PPP2R3A: variants seen among roughly 807,000 people sequenced by gnomAD.
The protein encoded by PPP2R3A is serine/threonine-protein phosphatase 2A regulatory subunit B'' subunit alpha.
PPP2R3A carries 80 observed loss-of-function variants against 106.9 expected under a neutral mutation model. The ratio of observed to expected loss-of-function variants is 0.75; its 90% CI spans 0.62 to 0.90. The LOEUF (loss-of-function observed/expected upper bound fraction) is 0.90, where lower values mean the gene tolerates loss of function less well. Among genes scored for constraint, PPP2R3A ranks in the 40% least tolerant of loss-of-function variants. The probability of loss-of-function intolerance (pLI) is 0.00; values close to 1 mark genes in which losing one functional copy is unlikely to be tolerated. For synonymous variants in PPP2R3A, 483 were observed against 468.3 expected (o/e 1.03, Z -0.41); for missense variants, 1,386 against 1,350.4 (o/e 1.03, Z -0.41).
chr3:136,122,454 A>G (rs1471273482), intron 13 of PPP2R3A, among the ~76,000 whole-genome samples: 3 of 152,206 alleles, frequency 2.0e-5, no homozygotes, highest in Non-Finnish European at 4.4e-5. Flanking sequence ...AAACCCACAT[A>G]TATGAAAGTT....
intron 13 of PPP2R3A, among the ~76,000 whole-genome samples, chr3:136,123,508 T>G (rs1938075168): frequency 6.6e-6 from 1 of 152,012 alleles, no homozygotes; most frequent in Admixed American, 6.6e-5. Context: ...CCCAAAAAAG[T>G]GACAAAATTC....
At chr3:136,042,169 A>C (rs964279042) in intron 4 of PPP2R3A, among the ~76,000 whole-genome samples, 1 of 152,244 alleles carries the variant, frequency 6.6e-6, no homozygotes, top group East Asian at 1.9e-4. Context: ...TAGGTGATTA[A>C]TAAATGTATT....
intron 13 of PPP2R3A, among the ~76,000 whole-genome samples, chr3:136,139,138 CA>C (rs2108031811): frequency 6.6e-6 from 1 of 152,254 alleles, no homozygotes; most frequent in East Asian, 1.9e-4. Context: ...AAACTGGAAT[CA>C]AAACATAACT....
chr3:135,990,558 AAAAT>A (rs1261892570), intron 1 of PPP2R3A, among the ~76,000 whole-genome samples: 31 of 152,332 alleles, frequency 2.0e-4, no homozygotes, highest in African/African-American at 7.0e-4. Context: ...AGTCCTTTTA[AAAAT>A]AAATCCGTAC....
intron 3 of PPP2R3A, among the ~76,000 whole-genome samples, chr3:136,034,618 A>G (rs1329342083): frequency 6.6e-6 from 1 of 152,212 alleles, no homozygotes; most frequent in Non-Finnish European, 1.5e-5. Context: ...TCTTAAATGT[A>G]TTGAGGCTCG....
At chr3:136,122,387 G>A (rs1191109351) in intron 13 of PPP2R3A, among the ~76,000 whole-genome samples, 2 of 152,078 alleles carry the variant, frequency 1.3e-5, no homozygotes, top group East Asian at 3.9e-4. Flanking sequence ...TTGATTCCAG[G>A]ACTGCCTGTG....
At chr3:136,011,974 TACACAC>T (rs961223158) in intron 2 of PPP2R3A, among the ~76,000 whole-genome samples, 1 of 136,522 alleles carries the variant, frequency 7.3e-6, no homozygotes, top group African/African-American at 3.1e-5. Context: ...TGAGAAATCA[TACACAC>T]ACACACACAC....
chr3:136,135,165 G>C (rs149008085), intron 13 of PPP2R3A, among the ~76,000 whole-genome samples: 30 of 152,102 alleles, frequency 2.0e-4, no homozygotes, highest in Admixed American at 1.9e-3. Flanking sequence ...AAGAGGAGAC[G>C]CAGAGACCAG....
At chr3:136,033,049 C>G (rs560182124) in intron 3 of PPP2R3A, among the ~76,000 whole-genome samples, 80 of 152,228 alleles carry the variant, frequency 5.3e-4, no homozygotes, top group South Asian at 5.0e-3. Context: ...AGGTATGTCC[C>G]TTGTATGCCA....
At chr3:136,081,325 A>T (rs1413339303) in intron 7 of PPP2R3A, among the ~76,000 whole-genome samples, 1 of 152,072 alleles carries the variant, frequency 6.6e-6, no homozygotes, top group Non-Finnish European at 1.5e-5. Flanking sequence ...CCATATTAAT[A>T]TTGATACCTG....
intron 8 of PPP2R3A, among the ~76,000 whole-genome samples, chr3:136,085,276 A>G (rs1405531546): frequency 2.0e-5 from 3 of 152,078 alleles, no homozygotes; most frequent in Admixed American, 6.6e-5. Flanking sequence ...TCATGGTTTT[A>G]GAAAGGGGAG....
In PPP2R3A at chr3:136,040,975, G is replaced by A. The variant is rs540353404; in HGVS notation, c.2366+13G>A. 1,063 of 1,607,470 alleles carry A rather than the reference G, an allele frequency of 6.6e-4. 15 individuals carry two copies. The South Asian group carries it at 0.011, about 16-fold the overall frequency. ...CCATGTGGAGAAAGTAAGTATGTGA[G>A]CAGTCTCTCTGGAGCTAGGCAAAGA... On this transcript the variant is annotated intron_variant, in intron 4 of 13. Coordinates refer to ENST00000264977, the MANE Select transcript of PPP2R3A (RefSeq NM_002718.5).
chr3:136,043,984 C>G (rs1317561505), intron 4 of PPP2R3A, among the ~76,000 whole-genome samples: 1 of 152,154 alleles, frequency 6.6e-6, no homozygotes, highest in Non-Finnish European at 1.5e-5. Flanking sequence ...TTCACTTTGT[C>G]CTCTCAGAGT....
intron 13 of PPP2R3A, among the ~76,000 whole-genome samples, chr3:136,142,755 A>G (rs182713622): frequency 1.3e-5 from 2 of 152,330 alleles, no homozygotes; most frequent in East Asian, 3.9e-4. Flanking sequence ...ACAGGAGTTC[A>G]AATATTTACT....
intron 5 of PPP2R3A, 38 bp from the exon 6 acceptor site, chr3:136,070,440 A>T: frequency 6.5e-7 from 1 of 1,533,998 alleles, no homozygotes; most frequent in Non-Finnish European, 8.8e-7. Context: ...TAATTTTTGT[A>T]TGTTTGTTAA....
At chr3:136,047,417 A>G (rs59720283) in intron 4 of PPP2R3A, among the ~76,000 whole-genome samples, 1,568 of 152,348 alleles carry the variant, frequency 0.01, 24 homozygotes, top group African/African-American at 0.037. Context: ...GGTGGACTGG[A>G]TAAAGAAAAT....
chr3:136,079,687 G>A (rs867598670), intron 7 of PPP2R3A, among the ~76,000 whole-genome samples: 89 of 151,758 alleles, frequency 5.9e-4, no homozygotes, highest in African/African-American at 2.0e-3. Flanking sequence ...GATTACAAGC[G>A]TGAGCCACCA....
chr3:136,098,178 T>C (rs1359522631), intron 10 of PPP2R3A, among the ~76,000 whole-genome samples: 1 of 152,214 alleles, frequency 6.6e-6, no homozygotes, highest in African/African-American at 2.4e-5. Context: ...TAGCCAGGTG[T>C]GGTGGTACAT....
At position 136,057,076 on chromosome 3, in the gene PPP2R3A, C is replaced by A. The variant is rs374043841; in HGVS notation, c.2469+7715C>A. On this transcript the variant is annotated intron_variant, in intron 5 of 13. Transcript: ENST00000264977. ...AGGATGCAGAGAAAGAGGACCCCCC[C>A]CACACACACCGTTGGTGGGAATGTA... Among the ~76,000 whole-genome samples the A allele has an allele frequency of 1.2e-3, 160 of 137,004 alleles. No individual in the cohort carries two copies. In the East Asian group the frequency reaches 0.012, roughly 10 times the overall value. 89.9% of individuals were successfully genotyped at this position (137,004 alleles called of 152,430 possible). A position where few individuals can be genotyped will look rare whatever the true frequency, so the allele number is the denominator to read the frequency against.
Sources: allele counts gnomAD v4.1 joint callset (sites outside exome capture counted in the v4.1 genomes callset), GRCh38; gene constraint gnomAD v4.1.1; transcripts MANE v1.5; gene names NCBI Gene and HGNC (gene_info 2026-07-23, HGNC 2026-07-21).